Variants in DOT1L observed in about 807,000 individuals in gnomAD.
The protein encoded by DOT1L is DOT1 like histone lysine methyltransferase.
In DOT1L, 33 loss-of-function variants were observed where a neutral mutation model predicts 153.3. That is an observed-to-expected ratio of 0.22 (90% CI 0.16 to 0.29). DOT1L has a LOEUF of 0.29. DOT1L is among the 10% of genes least tolerant of loss of function. DOT1L has a pLI of 1.00. For missense variants in DOT1L, 1,847 were observed against 2,119.9 expected (o/e 0.87, Z 2.53); for synonymous variants, 1,135 against 965.1 (o/e 1.18, Z -3.26).
chr19:2,203,694 T>G (rs1004916744), intron 9 of DOT1L, among the ~76,000 whole-genome samples: 5 of 152,222 alleles, frequency 3.3e-5, no homozygotes, highest in African/African-American at 9.6e-5. Context: ...GACCACACTC[T>G]GTGGACTGCC....
At chr19:2,177,808 T>G (rs557946767) in intron 1 of DOT1L, among the ~76,000 whole-genome samples, 13 of 152,114 alleles carry the variant, frequency 8.5e-5, no homozygotes, top group Non-Finnish European at 1.9e-4. Context: ...GCTGCCCAGA[T>G]TGGAGTGCAG....
At chr19:2,196,942 G>A (rs2023048863) in intron 7 of DOT1L, among the ~76,000 whole-genome samples, 1 of 152,186 alleles carries the variant, frequency 6.6e-6, no homozygotes, top group African/African-American at 2.4e-5. Flanking sequence ...TGCTTCTAGT[G>A]TCAGCGCGGT....
intron 26 of DOT1L, among the ~76,000 whole-genome samples, chr19:2,225,894 C>T (rs1430878187): frequency 6.6e-6 from 1 of 152,224 alleles, no homozygotes; most frequent in Non-Finnish European, 1.5e-5. Context: ...CGCATGGCCT[C>T]TGAGACCCGC....
intron 27 of DOT1L, 128 bp downstream of exon 27, chr19:2,227,255 C>T (rs749617985): frequency 1.2e-5 from 15 of 1,264,308 alleles, no homozygotes; most frequent in Non-Finnish European, 1.5e-5. Context: ...CCGGCCGGCC[C>T]CCGCCATCCG....
At chr19:2,189,207 G>A (rs2022683701) in intron 3 of DOT1L, among the ~76,000 whole-genome samples, 1 of 152,258 alleles carries the variant, frequency 6.6e-6, no homozygotes. Context: ...CGCTCACAGA[G>A]CAGTGTGGGT....
At chr19:2,174,446 G>A (rs2021806149) in intron 1 of DOT1L, among the ~76,000 whole-genome samples, 1 of 152,140 alleles carries the variant, frequency 6.6e-6, no homozygotes, top group Admixed American at 6.6e-5. Context: ...CAGGACTTGG[G>A]GAGGCCGAGG....
At position 2,220,299 on chromosome 19, in the gene DOT1L, G is replaced by A. The variant is rs1358028864; in HGVS notation, c.2806+77G>A. ...TTCAGGCAGGAGGGCTGGGTTGCTGGGAGTGGAACAGGGCTTCCTGGGGTG... is the reference window on the plus strand; with the variant it reads ...TTCAGGCAGGAGGGCTGGGTTGCTGAGAGTGGAACAGGGCTTCCTGGGGTG... On this transcript the variant is annotated intron_variant, in intron 23 of 27. Transcript: ENST00000398665. This position sits in a 1 kb window ranked among gnomAD's most constrained non-coding sequence, Gnocchi z 4.5. 4.2e-6 allele frequency: 6 copies of A among 1,440,568 alleles called. No individual in the cohort carries two copies. Among genetic ancestry groups the A allele is most frequent in the South Asian group, 1.2e-5 (1 of 82,918 alleles). 89.2% of individuals were successfully genotyped at this position (1,440,568 alleles called of 1,614,324 possible).
intron 1 of DOT1L, among the ~76,000 whole-genome samples, chr19:2,177,970 TG>T (rs2022031599): frequency 6.6e-6 from 1 of 151,870 alleles, no homozygotes; most frequent in Non-Finnish European, 1.5e-5. Flanking sequence ...TATCCCAGGC[TG>T]GAGTGCAGTG....
intron 27 of DOT1L, chr19:2,229,315 C>T (rs892245892): frequency 1.0e-6 from 1 of 985,342 alleles, no homozygotes; most frequent in Non-Finnish European, 1.2e-6. Context: ...CTCTGCTTGC[C>T]CCTGGCCTTC....
chr19:2,208,392 C>A lies in DOT1L; in HGVS notation c.964-543C>A, dbSNP rs556847919. On this transcript the variant is annotated intron_variant, in intron 11 of 27. Transcript: ENST00000398665. The surrounding 1 kb of genome is among the most constrained non-coding windows in gnomAD (Gnocchi z 4.4). ...GCTCGGAGCCTCCACTAGAGCCTGCCTGGGGAGCGCTGGTGCCGTCTGGGG... is the reference window on the plus strand; with the variant it reads ...GCTCGGAGCCTCCACTAGAGCCTGCATGGGGAGCGCTGGTGCCGTCTGGGG... Among the ~76,000 whole-genome samples the A allele has an allele frequency of 6.6e-5, 10 of 152,216 alleles. No homozygotes were observed. In the South Asian group the frequency reaches 2.1e-3, roughly 32 times the overall value.
At chr19:2,180,895 A>C in intron 2 of DOT1L, 139 bp downstream of exon 2, 4 of 998,678 alleles carry the variant, frequency 4.0e-6, no homozygotes, top group Non-Finnish European at 5.9e-6. Flanking sequence ...ATCAGGGGTG[A>C]CTCAGGGACG....
intron 1 of DOT1L, among the ~76,000 whole-genome samples, chr19:2,167,567 T>C (rs1417382930): frequency 6.6e-6 from 1 of 152,218 alleles, no homozygotes; most frequent in African/African-American, 2.4e-5. Context: ...CTACGGCCTC[T>C]TCCTGCTCTG....
chr19:2,164,090 G>T lies in DOT1L; in HGVS notation c.-95G>T, dbSNP rs956066378. 1 of 67,990 alleles carries T rather than the reference G, an allele frequency of 1.5e-5. No homozygotes were observed. Among genetic ancestry groups the T allele is most frequent in the African/African-American group, 5.5e-5 (1 of 18,172 alleles). 4.2% of individuals were successfully genotyped at this position (67,990 alleles called of 1,614,324 possible). A position where few individuals can be genotyped will look rare whatever the true frequency, so the allele number is the denominator to read the frequency against. ...CCAGGCCCCCTCCCCTCAGCCTCCC[G>T]CCCCTCCCTCCCGCCCGCCCTCCTC... On this transcript the variant is annotated 5_prime_UTR_variant, in exon 1 of 28. Coordinates refer to ENST00000398665, the MANE Select transcript of DOT1L (RefSeq NM_032482.3).
chr19:2,223,507 G>GGGGGCGGGGCCTGGCAGCA (rs2024209478), intron 25 of DOT1L, 21 bp downstream of exon 25: 2 of 1,586,446 alleles, frequency 1.3e-6, no homozygotes, highest in African/African-American at 2.7e-5. Flanking sequence ...GGGCCCGGAG[G>GGGGGCGGGGCCTGGCAGCA]GGGGCGGGGC....
intron 1 of DOT1L, among the ~76,000 whole-genome samples, chr19:2,165,128 C>G (rs1382687870): frequency 6.6e-6 from 1 of 152,160 alleles, no homozygotes; most frequent in Non-Finnish European, 1.5e-5. Flanking sequence ...CGCGTGCGTC[C>G]GCGCTTGGGA....
chr19:2,184,535 G>GA (rs2022400848), intron 2 of DOT1L, among the ~76,000 whole-genome samples: 1 of 152,136 alleles, frequency 6.6e-6, no homozygotes, highest in South Asian at 2.1e-4. Flanking sequence ...GAGGACTGGG[G>GA]AGCAGAGGCC....
intron 1 of DOT1L, among the ~76,000 whole-genome samples, chr19:2,173,901 A>G (rs1455571860): frequency 3.0e-4 from 46 of 152,162 alleles, no homozygotes; most frequent in Non-Finnish European, 5.9e-5. Context: ...GAGCCCCTCC[A>G]GTGTCGAGTT....
At position 2,217,212 on chromosome 19, in the gene DOT1L, C is replaced by A; in HGVS notation, c.2544+122C>A. The A allele has an allele frequency of 7.5e-7, 1 of 1,338,736 alleles. No homozygotes were observed. Among genetic ancestry groups the A allele is most frequent in the Non-Finnish European group, 9.9e-7 (1 of 1,014,658 alleles). The allele number at this position is 1,338,736 out of a possible 1,614,324, so 82.9% of individuals were successfully genotyped here. On this transcript the variant is annotated intron_variant, in intron 21 of 27. Transcript: ENST00000398665. This position sits in a 1 kb window ranked among gnomAD's most constrained non-coding sequence, Gnocchi z 7.3. ...GGGCACGGTGAGGTACTGGGGCTGACCTGGAGTAGGATGTTGTGGCAGAGT... is the reference window on the plus strand; with the variant it reads ...GGGCACGGTGAGGTACTGGGGCTGAACTGGAGTAGGATGTTGTGGCAGAGT...
intron 1 of DOT1L, among the ~76,000 whole-genome samples, chr19:2,178,252 A>AT (rs2022049033): frequency 1.1e-5 from 1 of 87,754 alleles, no homozygotes; most frequent in African/African-American, 4.4e-5. Flanking sequence ...TTTTTTTGGT[A>AT]TTTTTTTGTA....
Sources: allele counts gnomAD v4.1 joint callset (sites outside exome capture counted in the v4.1 genomes callset), GRCh38; gene constraint gnomAD v4.1.1; non-coding constraint Gnocchi (gnomAD v3.1); transcripts MANE v1.5; gene names NCBI Gene and HGNC (gene_info 2026-07-23, HGNC 2026-07-21).